Variants in CYP2B6 observed in about 807,000 individuals in gnomAD.
The protein encoded by CYP2B6 is cytochrome P450 family 2 subfamily B member 6.
In CYP2B6, 35 loss-of-function variants were observed where a neutral mutation model predicts 43.4. The observed-to-expected ratio is 0.81, with a 90% CI of 0.62 to 1.07. The LOEUF (loss-of-function observed/expected upper bound fraction) is 1.07, where lower values mean the gene tolerates loss of function less well. CYP2B6 is among the 50% of genes least tolerant of loss of function. The pLI is 0.00. For synonymous variants in CYP2B6, 239 were observed against 239.2 expected (o/e 1.00, Z 0.01); for missense variants, 624 against 632.8 (o/e 0.99, Z 0.15).
intron 1 of CYP2B6, among the ~76,000 whole-genome samples, chr19:40,996,057 A>T (rs954609005): frequency 6.6e-6 from 1 of 152,092 alleles, no homozygotes; most frequent in African/African-American, 2.4e-5. Flanking sequence ...TTGCAACCTA[A>T]CCTTATCGGT....
chr19:41,009,586 A>G, intron 5 of CYP2B6, 191 bp downstream of exon 5: 1 of 657,346 alleles, frequency 1.5e-6, no homozygotes. Context: ...GAGGGAGAAA[A>G]TAGGGAGGAG....
chr19:40,997,931 T>G (rs1415265927), intron 1 of CYP2B6, among the ~76,000 whole-genome samples: 1 of 151,946 alleles, frequency 6.6e-6, no homozygotes, highest in African/African-American at 2.4e-5. Context: ...AAGACCTGGC[T>G]CTACAAAAAA....
At chr19:40,992,188 T>A (rs1968929855) in intron 1 of CYP2B6, among the ~76,000 whole-genome samples, 1 of 122,814 alleles carries the variant, frequency 8.1e-6, no homozygotes, top group Admixed American at 8.5e-5. Flanking sequence ...GGTGACAGAG[T>A]GAGACTCCTT....
chr19:41,010,531 A>G (rs1969267303), intron 6 of CYP2B6, among the ~76,000 whole-genome samples: 1 of 150,956 alleles, frequency 6.6e-6, no homozygotes, highest in African/African-American at 2.4e-5. Context: ...CTCCTGCCTC[A>G]GCTTCCCGAG....
chr19:40,998,008 A>G (rs1969022826), intron 1 of CYP2B6, among the ~76,000 whole-genome samples: 1 of 152,096 alleles, frequency 6.6e-6, no homozygotes, highest in South Asian at 2.1e-4. Flanking sequence ...AGACTGAGGC[A>G]GGAGGATGAC....
Position 41,007,020 on chromosome 19 carries a change from CT to C in CYP2B6, c.602del (p.Leu201CysfsTer24), listed in dbSNP as rs1256805248. On this transcript the variant is annotated frameshift_variant, in exon 4 of 9. Transcript: ENST00000324071. LOFTEE classifies it high-confidence loss of function. The part of the protein sequence containing the change: ...QDQEFLKMLN[L>X]FYQTFSLISS... ...ATCAAGAGTTCCTGAAGATGCTGAA[CT>C]TGTTCTACCAGACTTTTTCACTCAT... 6.2e-7 allele frequency: 1 copy of C among 1,614,068 alleles called. No homozygotes were observed. Among genetic ancestry groups the C allele is most frequent in the Non-Finnish European group, 8.5e-7 (1 of 1,180,028 alleles).
chr19:40,997,700 C>T (rs1286032873), intron 1 of CYP2B6, among the ~76,000 whole-genome samples: 1 of 152,094 alleles, frequency 6.6e-6, no homozygotes, highest in Non-Finnish European at 1.5e-5. Context: ...TAATTGGTCA[C>T]AGACTCTCAA....
At chr19:40,997,186 G>C (rs1397528960) in intron 1 of CYP2B6, among the ~76,000 whole-genome samples, 4 of 152,070 alleles carry the variant, frequency 2.6e-5, no homozygotes, top group African/African-American at 9.7e-5. Context: ...GAGAGGGAGA[G>C]CAGGAGAGGA....
rs189113708 is a variant in CYP2B6 at position 41,016,521 on chromosome 19, T to C, written c.1295-125T>C. 4 of 943,904 alleles carry C rather than the reference T, an allele frequency of 4.2e-6. No individual in the cohort carries two copies. In the African/African-American group the frequency reaches 4.9e-5, roughly 12 times the overall value. 58.5% of individuals were successfully genotyped at this position (943,904 alleles called of 1,614,324 possible). A position where few individuals can be genotyped will look rare whatever the true frequency, so the allele number is the denominator to read the frequency against. Reference sequence around the variant, plus strand: ...CTTCCTAAAAGTCCACCCTGAATTGTAGGTTAAAGGCCAGTCTTATGCAAA... The same window carrying C: ...CTTCCTAAAAGTCCACCCTGAATTGCAGGTTAAAGGCCAGTCTTATGCAAA... On this transcript the variant is annotated intron_variant, in intron 8 of 8. Transcript: ENST00000324071.
chr19:41,015,828 A>G lies in CYP2B6; in HGVS notation c.1295-818A>G, dbSNP rs144322226. On this transcript the variant is annotated intron_variant, in intron 8 of 8. Transcript: ENST00000324071. ...CCCCAGAAACAAACACAAGGCAGTA[A>G]CCAAACCTTAAGCCTCCTTAGCACA... Among the ~76,000 whole-genome samples the G allele has an allele frequency of 7.4e-5, 11 of 149,416 alleles. No homozygotes were observed. The East Asian group carries it at 1.2e-3, about 17-fold the overall frequency.
At chr19:41,015,025 A>C (rs1969340156) in intron 8 of CYP2B6, among the ~76,000 whole-genome samples, 2 of 152,308 alleles carry the variant, frequency 1.3e-5, no homozygotes, top group East Asian at 1.9e-4. Flanking sequence ...GATTGGGGAG[A>C]AATCAGATTC....
intron 1 of CYP2B6, among the ~76,000 whole-genome samples, chr19:40,996,173 A>G (rs904859049): frequency 6.6e-6 from 1 of 152,106 alleles, no homozygotes; most frequent in East Asian, 1.9e-4. Flanking sequence ...GAGAGAAGAC[A>G]GGCTGTTAAT....
chr19:41,012,346 C>T lies in CYP2B6; in HGVS notation c.1013C>T (p.Pro338Leu). Reference protein sequence around the residue: ...IEQVIGPHRPPELHDRAKMPY... With the variant: ...IEQVIGPHRPLELHDRAKMPY... ...CAGGTGATTGGCCCACATCGCCCTC[C>T]AGAGCTTCATGACCGAGCCAAAATG... The change falls in exon 7 of 9, where the codon CCA becomes CTA. Residue 338 changes from proline to leucine, a missense_variant. Physicochemically the swap from Pro to Leu is moderately conservative, Grantham distance 98 (BLOSUM62 -3). Transcript: ENST00000324071. 6.2e-7 allele frequency: 1 copy of T among 1,614,146 alleles called. No homozygotes were observed. The highest frequency in any genetic ancestry group is 8.5e-7 in the Non-Finnish European group (1 of 1,180,022).
At chr19:41,003,676 G>A (rs1969130245) in intron 1 of CYP2B6, among the ~76,000 whole-genome samples, 1 of 152,050 alleles carries the variant, frequency 6.6e-6, no homozygotes, top group South Asian at 2.1e-4. Flanking sequence ...TTGTTGTTCT[G>A]TTTTGTTTTG....
At chr19:41,010,865 GCACT>G (rs1239462699) in intron 6 of CYP2B6, among the ~76,000 whole-genome samples, 2 of 151,916 alleles carry the variant, frequency 1.3e-5, no homozygotes, top group African/African-American at 4.8e-5. Context: ...ACATTTTGTA[GCACT>G]CACTCATGAG....
chr19:40,997,471 T>A (rs988486649), intron 1 of CYP2B6, among the ~76,000 whole-genome samples: 11 of 152,282 alleles, frequency 7.2e-5, no homozygotes, highest in East Asian at 1.9e-4. Flanking sequence ...GTTATTTTTT[T>A]AATTTCTGAT....
In CYP2B6 at chr19:40,997,405, C is replaced by T. The variant is rs115724236; in HGVS notation, c.171+5929C>T. 7.7e-3 allele frequency among the ~76,000 whole-genome samples: 1,172 copies of T among 152,194 alleles called. 19 individuals are homozygous for T. Among genetic ancestry groups the T allele is most frequent in the African/African-American group, 0.027 (1,121 of 41,500 alleles). On this transcript the variant is annotated intron_variant, in intron 1 of 8. Transcript: ENST00000324071. ...TCCAGCTCCTCTTCCCCTTCCCCCT[C>T]CCATGTTGACCATACTCCTGAATCT...
At chr19:40,994,370 T>A (rs1483736322) in intron 1 of CYP2B6, among the ~76,000 whole-genome samples, 1 of 152,114 alleles carries the variant, frequency 6.6e-6, no homozygotes, top group Admixed American at 6.5e-5. Context: ...AGAGCAGAGA[T>A]CAGTTAGATT....
chr19:41,004,313 T>C lies in CYP2B6; in HGVS notation c.351T>C (p.Asn117=). The C allele has an allele frequency of 6.2e-7, 1 of 1,613,860 alleles. No homozygotes were observed. The highest frequency in any genetic ancestry group is 8.5e-7 in the Non-Finnish European group (1 of 1,180,006). The change falls in exon 3 of 9, where the codon AAT becomes AAC. Residue 117 remains asparagine (N), a synonymous_variant. Coordinates refer to ENST00000324071, the MANE Select transcript of CYP2B6 (RefSeq NM_000767.5). The part of the protein sequence containing the change: ...FFRGYGVIFA[N]GNRWKVLRRF... ...GCACCCCAGGTGTGATCTTTGCCAA[T>C]GGAAACCGCTGGAAGGTGCTTCGGC...
Sources: allele counts gnomAD v4.1 joint callset (sites outside exome capture counted in the v4.1 genomes callset), GRCh38; gene constraint gnomAD v4.1.1; transcripts MANE v1.5; gene names NCBI Gene and HGNC (gene_info 2026-07-23, HGNC 2026-07-21).